Variants in SYTL1 observed in about 807,000 individuals in gnomAD.
The protein encoded by SYTL1 is synaptotagmin-like protein 1.
In SYTL1, 53 loss-of-function variants were observed where a neutral mutation model predicts 74.6. The observed-to-expected ratio is 0.71, with a 90% CI of 0.57 to 0.89. SYTL1 has a LOEUF of 0.89. SYTL1 is among the 40% of genes least tolerant of loss of function. SYTL1 has a pLI of 0.00. For synonymous variants in SYTL1, 329 were observed against 324.9 expected (o/e 1.01, Z -0.14); for missense variants, 728 against 768.7 (o/e 0.95, Z 0.63).
Position 27,350,044 on chromosome 1 carries a change from C to T in SYTL1, c.820C>T (p.Leu274=). ...GGTCCGCGGCTCCGTGCACTTCGCGCTGCACTACGAGCCGGGCGCCGCCGA... is the reference window on the plus strand; with the variant it reads ...GGTCCGCGGCTCCGTGCACTTCGCGTTGCACTACGAGCCGGGCGCCGCCGA... ...VQVRGSVHFA[L]HYEPGAAELR... is the part of the protein sequence containing the mutation. The change falls in exon 9 of 15, where the codon CTG becomes TTG. Residue 274 remains leucine (L), a synonymous_variant. Transcript: ENST00000616558. The surrounding 1 kb of genome is among the most constrained non-coding windows in gnomAD (Gnocchi z 6.3). The T allele has an allele frequency of 6.5e-7, 1 of 1,530,192 alleles. No homozygotes were observed. Among genetic ancestry groups the T allele is most frequent in the Non-Finnish European group, 8.7e-7 (1 of 1,148,288 alleles). 94.8% of individuals were successfully genotyped at this position (1,530,192 alleles called of 1,614,324 possible).
At position 27,351,073 on chromosome 1, in the gene SYTL1, C is replaced by A; in HGVS notation, c.1164+121C>A. On this transcript the variant is annotated intron_variant, in intron 11 of 14. Coordinates refer to ENST00000616558, the MANE Select transcript of SYTL1 (RefSeq NM_001193308.2). The surrounding 1 kb of genome is among the most constrained non-coding windows in gnomAD (Gnocchi z 5.0). The stretch of plus-strand genomic sequence containing the variant: ...ACAGAACCTCCCCTCAACCTCTTAA[C>A]CTCATGGCCCCAGGCGAAGCCCGGC... 1 of 1,367,294 alleles carries A rather than the reference C, an allele frequency of 7.3e-7. No homozygotes were observed. Among genetic ancestry groups the A allele is most frequent in the Non-Finnish European group, 9.9e-7 (1 of 1,005,560 alleles). The allele number at this position is 1,367,294 out of a possible 1,614,324, so 84.7% of individuals were successfully genotyped here. A position where few individuals can be genotyped will look rare whatever the true frequency, so the allele number is the denominator to read the frequency against.
At chr1:27,349,850 G>A in intron 8 of SYTL1, 85 bp downstream of exon 8, 3 of 1,537,180 alleles carry the variant, frequency 2.0e-6, no homozygotes, top group Non-Finnish European at 2.6e-6. Context: ...CCTCGCCGCG[G>A]GACCCACCGC....
At position 27,350,577 on chromosome 1, in the gene SYTL1, T is replaced by A; in HGVS notation, c.1005+92T>A. 1 of 1,200,710 alleles carries A rather than the reference T, an allele frequency of 8.3e-7. No homozygotes were observed. The highest frequency in any genetic ancestry group is 1.9e-5 in the Admixed American group (1 of 52,750). 74.4% of individuals were successfully genotyped at this position (1,200,710 alleles called of 1,614,324 possible). ...TGGCAAGGGCAGCCAGTAACGTCAT[T>A]GCCCGGAGGATCGGCGGAGGGGGCC... On this transcript the variant is annotated intron_variant, in intron 10 of 14. Transcript: ENST00000616558. This position sits in a 1 kb window ranked among gnomAD's most constrained non-coding sequence, Gnocchi z 6.3.
chr1:27,351,291 G>A lies in SYTL1; in HGVS notation c.1198G>A (p.Gly400Arg), dbSNP rs867895179. The change falls in exon 12 of 15, where the codon GGG (glycine) becomes AGG (arginine). Residue 400 changes from glycine (G) to arginine (R), a missense_variant. By Grantham distance (125) the Gly-to-Arg change is moderately radical. Transcript: ENST00000616558. The surrounding 1 kb of genome is among the most constrained non-coding windows in gnomAD (Gnocchi z 5.0). ...CTCTCCCGACGACCTTCCGAGCCGC[G>A]GGTTACTCGCCCTGTCCCTCAAGTA... is the stretch of plus-strand genomic sequence containing the variant. ...PPSPDDLPSR[G>R]LLALSLKYVP... is the part of the protein sequence containing the mutation. The A allele has an allele frequency of 6.4e-7, 1 of 1,563,270 alleles. No homozygotes were observed. The highest frequency in any genetic ancestry group is 8.7e-7 in the Non-Finnish European group (1 of 1,154,656).
Position 27,353,315 on chromosome 1 carries a change from G to A in SYTL1, c.1376G>A (p.Arg459His), listed in dbSNP as rs760441498. 18 of 1,604,564 alleles carry A rather than the reference G, an allele frequency of 1.1e-5. No individual in the cohort carries two copies. The highest frequency in any genetic ancestry group is 4.5e-5 in the East Asian group (2 of 44,434). Residue 459 changes from arginine to histidine, a missense_variant, in exon 14 of 15, where the codon CGC (arginine) becomes CAC (histidine). Physicochemically the swap from Arg to His is conservative, Grantham distance 29 (BLOSUM62 0). Coordinates refer to ENST00000616558, the MANE Select transcript of SYTL1 (RefSeq NM_001193308.2). Reference protein sequence around the residue: ...FVLPDDSQASRQRTRVVRRSL... With the variant: ...FVLPDDSQASHQRTRVVRRSL... ...CTGCCTGATGACAGCCAGGCCAGCC[G>A]CCAGCGTACAAGGGTTGTGCGACGC... is the stretch of plus-strand genomic sequence containing the variant.
Position 27,349,157 on chromosome 1 carries a change from G to C in SYTL1, c.532+5G>C, listed in dbSNP as rs369402414. ...AGGCGTCCCAGGCCCAGGAAGGTGA[G>C]TGGGAGCGCCTGTTGGGGAGCACGG... On this transcript the variant is annotated splice_donor_5th_base_variant and intron_variant, in intron 6 of 14. Transcript: ENST00000616558. The C allele has an allele frequency of 6.2e-7, 1 of 1,613,216 alleles. No individual in the cohort carries two copies. Among genetic ancestry groups the C allele is most frequent in the Non-Finnish European group, 8.5e-7 (1 of 1,179,350 alleles).
In SYTL1 at chr1:27,342,559, G is replaced by A. The variant is rs113375589; in HGVS notation, c.-39+409G>A. On this transcript the variant is annotated intron_variant, in intron 1 of 14. Transcript: ENST00000616558. This position sits in a 1 kb window ranked among gnomAD's most constrained non-coding sequence, Gnocchi z 4.7. ...CACCTGGTGGCCCCCAAGGCACCAG[G>A]GGACACCCCACAGCACACAGCCCAG... Among the ~76,000 whole-genome samples the A allele has an allele frequency of 2.0e-5, 3 of 152,104 alleles. No homozygotes were observed. Among genetic ancestry groups the A allele is most frequent in the Admixed American group, 2.0e-4 (3 of 15,280 alleles).
chr1:27,351,289 G>A lies in SYTL1; in HGVS notation c.1196G>A (p.Arg399His). 1 of 1,562,474 alleles carries A rather than the reference G, an allele frequency of 6.4e-7. No individual in the cohort carries two copies. Among genetic ancestry groups the A allele is most frequent in the Non-Finnish European group, 8.7e-7 (1 of 1,154,160 alleles). The change falls in exon 12 of 15, where the codon CGC becomes CAC. Residue 399 changes from arginine to histidine, a missense_variant. Transcript: ENST00000616558. The surrounding 1 kb of genome is among the most constrained non-coding windows in gnomAD (Gnocchi z 5.0). ...VPPSPDDLPS[R>H]GLLALSLKYV... ...CCCTCTCCCGACGACCTTCCGAGCC[G>A]CGGGTTACTCGCCCTGTCCCTCAAG...
rs1377149239 is a variant in SYTL1, at chr1:27,347,902, G to C, written c.413+22G>C. On this transcript the variant is annotated intron_variant, in intron 4 of 14. Coordinates refer to ENST00000616558, the MANE Select transcript of SYTL1 (RefSeq NM_001193308.2). The surrounding 1 kb of genome is among the most constrained non-coding windows in gnomAD (Gnocchi z 4.9). Reference sequence around the variant, plus strand: ...CCAGGTGAGGAGGAGTCTCAGGAAGGGGGAGATGGTGCCCACCAGTCACCA... The same window carrying C: ...CCAGGTGAGGAGGAGTCTCAGGAAGCGGGAGATGGTGCCCACCAGTCACCA... 2.5e-6 allele frequency: 4 copies of C among 1,614,082 alleles called. No homozygotes were observed. The highest frequency in any genetic ancestry group is 1.3e-5 in the African/African-American group (1 of 75,050).
Position 27,350,412 on chromosome 1 carries a change from C to T in SYTL1, c.932C>T (p.Pro311Leu), listed in dbSNP as rs1438975750. The change falls in exon 10 of 15, where the codon CCG (proline) becomes CTG (leucine). Residue 311 changes from proline to leucine, a missense_variant. Transcript: ENST00000616558. This position sits in a 1 kb window ranked among gnomAD's most constrained non-coding sequence, Gnocchi z 6.3. ...SDPYVKSYLL[P>L]DKQSKRKTAV... ...AGCTACGTCAAAAGCTACCTCCTCC[C>T]GGATAAGCAGAGCAAGCGCAAGACG... 3.1e-6 allele frequency: 5 copies of T among 1,614,144 alleles called. No homozygotes were observed. In the Admixed American group the frequency reaches 8.3e-5, roughly 27 times the overall value.
rs1302383999 is a variant in SYTL1, at chr1:27,350,738, C to T, written c.1006-56C>T. 6.3e-7 allele frequency: 1 copy of T among 1,584,580 alleles called. No individual in the cohort carries two copies. The highest frequency in any genetic ancestry group is 8.6e-7 in the Non-Finnish European group (1 of 1,159,332). ...TAGGACCTGCCTCAGCCAACTCGCGCAGCATCTACGCGGGCCACCAGCAGT... is the reference window on the plus strand; with the variant it reads ...TAGGACCTGCCTCAGCCAACTCGCGTAGCATCTACGCGGGCCACCAGCAGT... On this transcript the variant is annotated intron_variant, in intron 10 of 14. Coordinates refer to ENST00000616558, the MANE Select transcript of SYTL1 (RefSeq NM_001193308.2). The surrounding 1 kb of genome is among the most constrained non-coding windows in gnomAD (Gnocchi z 6.3).
Position 27,353,911 on chromosome 1 carries a change from A to G in SYTL1, c.*59A>G, listed in dbSNP as rs1340391671. ...CAGGGCCTGCCCTTGGCTAAAGTCA[A>G]TAAAGTCTATTCTAAGAGCAATAAA... On this transcript the variant is annotated 3_prime_UTR_variant, in exon 15 of 15. Transcript: ENST00000616558. The G allele has an allele frequency of 2.3e-5, 35 of 1,504,650 alleles. No homozygotes were observed. In the East Asian group the frequency reaches 6.1e-4, roughly 26 times the overall value. The allele number at this position is 1,504,650 out of a possible 1,614,324, so 93.2% of individuals were successfully genotyped here. A position where few individuals can be genotyped will look rare whatever the true frequency, so the allele number is the denominator to read the frequency against.
At position 27,350,108 on chromosome 1, in the gene SYTL1, C is replaced by T. The variant is rs887510487; in HGVS notation, c.884C>T (p.Ala295Val). Residue 295 changes from alanine (A) to valine (V), a missense_variant, in exon 9 of 15, where the codon GCC (alanine) becomes GTC (valine). Coordinates refer to ENST00000616558, the MANE Select transcript of SYTL1 (RefSeq NM_001193308.2). This position sits in a 1 kb window ranked among gnomAD's most constrained non-coding sequence, Gnocchi z 6.3. ...GTGATCCAGTGCCAGGGCCTGGCCGCCGCCCGGCGCCGCCGCTCGGACCCG... is the reference window on the plus strand; with the variant it reads ...GTGATCCAGTGCCAGGGCCTGGCCGTCGCCCGGCGCCGCCGCTCGGACCCG... ...VHVIQCQGLA[A>V]ARRRRSDPYV... The T allele has an allele frequency of 1.4e-6, 2 of 1,394,284 alleles. No individual in the cohort carries two copies. Among genetic ancestry groups the T allele is most frequent in the African/African-American group, 1.5e-5 (1 of 65,210 alleles). 86.4% of individuals were successfully genotyped at this position (1,394,284 alleles called of 1,614,324 possible).
rs148530866 is a variant in SYTL1 at position 27,353,287 on chromosome 1, G to A, written c.1348G>A (p.Val450Met). Residue 450 changes from valine to methionine, a missense_variant, in exon 14 of 15, where the codon GTG (valine) becomes ATG (methionine). By Grantham distance (21) the Val-to-Met change is conservative (BLOSUM62 1). Transcript: ENST00000616558. The stretch of plus-strand genomic sequence containing the variant: ...GCCAGGCCACCTCCCGCACAGCTTC[G>A]TGCTGCCTGATGACAGCCAGGCCAG... ...GSLDTYVQCF[V>M]LPDDSQASRQ... 52 of 1,589,846 alleles carry A rather than the reference G, an allele frequency of 3.3e-5. No homozygotes were observed. The highest frequency in any genetic ancestry group is 2.8e-4 in the African/African-American group (21 of 74,432).
chr1:27,351,329 C>A lies in SYTL1; in HGVS notation c.1236C>A (p.Gly412=). The A allele has an allele frequency of 6.4e-7, 1 of 1,553,348 alleles. No individual in the cohort carries two copies. Among genetic ancestry groups the A allele is most frequent in the Non-Finnish European group, 8.7e-7 (1 of 1,148,832 alleles). ...TGTCCCTCAAGTACGTCCCCGCCGG[C>A]TCCGAGGGTGAGTGACAGCCGGAGA... The part of the protein sequence containing the change: ...LALSLKYVPA[G]SEGAGLPPSG... Residue 412 remains glycine (G), a synonymous_variant, in exon 12 of 15, where the codon GGC becomes GGA. Coordinates refer to ENST00000616558, the MANE Select transcript of SYTL1 (RefSeq NM_001193308.2). The surrounding 1 kb of genome is among the most constrained non-coding windows in gnomAD (Gnocchi z 5.0).
In SYTL1 at chr1:27,349,377, G is replaced by A; in HGVS notation, c.533-21G>A. On this transcript the variant is annotated intron_variant, in intron 6 of 14. Coordinates refer to ENST00000616558, the MANE Select transcript of SYTL1 (RefSeq NM_001193308.2). ...GGGAGGGCAGGAGAGGGCTCGCTTA[G>A]CATCTCGTGCCCCACCCCAGATCCT... 3.5e-6 allele frequency: 5 copies of A among 1,445,492 alleles called. No individual in the cohort carries two copies. The South Asian group carries it at 7.4e-5, about 21-fold the overall frequency. The allele number at this position is 1,445,492 out of a possible 1,614,324, so 89.5% of individuals were successfully genotyped here.
At position 27,347,802 on chromosome 1, in the gene SYTL1, G is replaced by C. The variant is rs781449652; in HGVS notation, c.341-6G>C. The C allele has an allele frequency of 1.2e-6, 2 of 1,612,342 alleles. No homozygotes were observed. Among genetic ancestry groups the C allele is most frequent in the Admixed American group, 3.3e-5 (2 of 59,894 alleles). On this transcript the variant is annotated splice_polypyrimidine_tract_variant and splice_region_variant and intron_variant, in intron 3 of 14. Coordinates refer to ENST00000616558, the MANE Select transcript of SYTL1 (RefSeq NM_001193308.2). This position sits in a 1 kb window ranked among gnomAD's most constrained non-coding sequence, Gnocchi z 4.9. ...GGGGCTCACAGAACTTCTCACCTGCGCCCAGGAGACCAGGCTCCAGGCCAC... is the reference window on the plus strand; with the variant it reads ...GGGGCTCACAGAACTTCTCACCTGCCCCCAGGAGACCAGGCTCCAGGCCAC...
Position 27,342,722 on chromosome 1 carries a change from GAC to G in SYTL1, c.-39+578_-39+579del, listed in dbSNP as rs760582736. ...GCATCACACTGCAACAGGACACAAA[GAC>G]ACACAGCAACTACACAGCTCACAGA... On this transcript the variant is annotated intron_variant, in intron 1 of 14. Transcript: ENST00000616558. This position sits in a 1 kb window ranked among gnomAD's most constrained non-coding sequence, Gnocchi z 4.7. 6.6e-6 allele frequency among the ~76,000 whole-genome samples: 1 copy of G among 152,316 alleles called. No homozygotes were observed. The highest frequency in any genetic ancestry group is 3.4e-3 in the Middle Eastern group (1 of 294).
Position 27,350,115 on chromosome 1 carries a change from G to A in SYTL1, c.891G>A (p.Arg297=). ...AGTGCCAGGGCCTGGCCGCCGCCCGGCGCCGCCGCTCGGACCCGTGAGTGC... is the reference window on the plus strand; with the variant it reads ...AGTGCCAGGGCCTGGCCGCCGCCCGACGCCGCCGCTCGGACCCGTGAGTGC... ...VIQCQGLAAA[R]RRRSDPYVKS... is the part of the protein sequence containing the mutation. The change falls in exon 9 of 15, where the codon CGG becomes CGA. Residue 297 remains arginine, a synonymous_variant. Coordinates refer to ENST00000616558, the MANE Select transcript of SYTL1 (RefSeq NM_001193308.2). This position sits in a 1 kb window ranked among gnomAD's most constrained non-coding sequence, Gnocchi z 6.3. 1 of 1,394,462 alleles carries A rather than the reference G, an allele frequency of 7.2e-7. No homozygotes were observed. The highest frequency in any genetic ancestry group is 9.3e-7 in the Non-Finnish European group (1 of 1,078,718). The allele number at this position is 1,394,462 out of a possible 1,614,324, so 86.4% of individuals were successfully genotyped here. A position where few individuals can be genotyped will look rare whatever the true frequency, so the allele number is the denominator to read the frequency against.
Sources: allele counts gnomAD v4.1 joint callset (sites outside exome capture counted in the v4.1 genomes callset), GRCh38; gene constraint gnomAD v4.1.1; non-coding constraint Gnocchi (gnomAD v3.1); transcripts MANE v1.5; gene names NCBI Gene and HGNC (gene_info 2026-07-23, HGNC 2026-07-21).